SLC37A3: variants seen among roughly 807,000 people sequenced by gnomAD.
The protein encoded by SLC37A3 is sugar phosphate exchanger 3.
In SLC37A3, 51 loss-of-function variants were observed where a neutral mutation model predicts 67.1. The ratio of observed to expected loss-of-function variants is 0.76; its 90% CI spans 0.61 to 0.96. SLC37A3 has a LOEUF of 0.96. Ranked by LOEUF, SLC37A3 falls within the 40% of genes least tolerant of loss-of-function variation. The pLI is 0.00. For synonymous variants in SLC37A3, 214 were observed against 231.4 expected (o/e 0.92, Z 0.68); for missense variants, 508 against 603.0 (o/e 0.84, Z 1.65).
intron 1 of SLC37A3, among the ~76,000 whole-genome samples, chr7:140,398,081 A>G (rs1237125746): frequency 1.3e-5 from 2 of 152,076 alleles, no homozygotes; most frequent in African/African-American, 2.4e-5. Flanking sequence ...CCCTTTTCTG[A>G]TCAAGTCAGA....
intron 1 of SLC37A3, among the ~76,000 whole-genome samples, chr7:140,383,824 G>A (rs1049358460): frequency 6.6e-6 from 1 of 152,112 alleles, no homozygotes; most frequent in African/African-American, 2.4e-5. Context: ...CTATAAGCAT[G>A]AGCCGCCATG....
rs1343512780 is a variant in SLC37A3 at position 140,334,124 on chromosome 7, C to G, written c.*1288G>C. 3 of 152,174 alleles carry G rather than the reference C, an allele frequency of 2.0e-5. No individual in the cohort carries two copies. In the South Asian group the frequency reaches 6.2e-4, roughly 32 times the overall value. 9.4% of individuals were successfully genotyped at this position (152,174 alleles called of 1,614,324 possible). A position where few individuals can be genotyped will look rare whatever the true frequency, so the allele number is the denominator to read the frequency against. On this transcript the variant is annotated 3_prime_UTR_variant, in exon 15 of 15. Coordinates refer to ENST00000326232, the MANE Select transcript of SLC37A3 (RefSeq NM_207113.3). ...GTAATCCATTCATGTGATTCAATGT[C>G]ATGTACAGACAGTCCTCAGCTTCTG...
chr7:140,354,646 A>T (rs1156260366), intron 7 of SLC37A3, among the ~76,000 whole-genome samples: 1 of 151,912 alleles, frequency 6.6e-6, no homozygotes, highest in African/African-American at 2.4e-5. Flanking sequence ...TGAGCTATAC[A>T]TTCAAATTCT....
At chr7:140,360,434 C>T (rs1162426257) in intron 5 of SLC37A3, among the ~76,000 whole-genome samples, 5 of 152,004 alleles carry the variant, frequency 3.3e-5, no homozygotes, top group Non-Finnish European at 1.5e-5. Flanking sequence ...TAAGCAATGA[C>T]GATTAGTCAG....
chr7:140,356,856 T>A (rs952584238), intron 6 of SLC37A3, among the ~76,000 whole-genome samples: 1 of 152,090 alleles, frequency 6.6e-6, no homozygotes, highest in African/African-American at 2.4e-5. Context: ...TAAGAACCCT[T>A]ATGCTCTGCT....
rs774454607 is a variant in SLC37A3 at position 140,380,395 on chromosome 7, A to G, written c.90-5T>C. On this transcript the variant is annotated splice_region_variant and splice_polypyrimidine_tract_variant and intron_variant, in intron 2 of 14. Transcript: ENST00000326232. ...GAAGCATGGAGCAACGAATAACTAC[A>G]AAATAGAGAGAATACAGATGAATGA... 15 of 1,593,464 alleles carry G rather than the reference A, an allele frequency of 9.4e-6. No individual in the cohort carries two copies. The African/African-American group carries it at 2.0e-4, about 21-fold the overall frequency.
chr7:140,335,452 G>A lies in SLC37A3; in HGVS notation c.1445C>T (p.Ser482Phe). 1 of 1,614,200 alleles carries A rather than the reference G, an allele frequency of 6.2e-7. No homozygotes were observed. Among genetic ancestry groups the A allele is most frequent in the Non-Finnish European group, 8.5e-7 (1 of 1,180,040 alleles). ...GTGAGCCTGTCTCCTTAGCACGAGA[G>A]AGAATATTTCCCTCACTATTAATGG... is the stretch of plus-strand genomic sequence containing the variant. ...ISPLIVREIF[S>F]LVLRRQAHIL... Residue 482 changes from serine to phenylalanine, a missense_variant, in exon 15 of 15, where the codon TCT (serine) becomes TTT (phenylalanine). By Grantham distance (155) the Ser-to-Phe change is radical (BLOSUM62 -2). Transcript: ENST00000326232.
Position 140,358,725 on chromosome 7 carries a change from A to C in SLC37A3, c.436T>G (p.Cys146Gly). Residue 146 changes from cysteine (C) to glycine (G), a missense_variant, in exon 6 of 15, where the codon TGC (cysteine) becomes GGC (glycine). Physicochemically the swap from Cys to Gly is radical, Grantham distance 159. Transcript: ENST00000326232. ...AGCAGGCCGTTCACAATCCACAGGC[A>C]GCAGTACAGCCATTTGTTGTAGAAA... The part of the protein sequence containing the change: ...LRFYNKWLYC[C>G]LWIVNGLLQS... 6.2e-7 allele frequency: 1 copy of C among 1,614,196 alleles called. No homozygotes were observed. The highest frequency in any genetic ancestry group is 8.5e-7 in the Non-Finnish European group (1 of 1,180,036).
chr7:140,340,255 T>C (rs542488082), intron 13 of SLC37A3, among the ~76,000 whole-genome samples: 2 of 152,208 alleles, frequency 1.3e-5, no homozygotes, highest in African/African-American at 4.8e-5. Flanking sequence ...TTTGAGGTAA[T>C]TTTTGCATAT....
intron 7 of SLC37A3, among the ~76,000 whole-genome samples, chr7:140,355,186 T>C (rs1796972106): frequency 6.7e-6 from 1 of 149,916 alleles, no homozygotes; most frequent in African/African-American, 2.5e-5. Context: ...TTAATGAATA[T>C]ATCAGAAGTT....
intron 4 of SLC37A3, among the ~76,000 whole-genome samples, chr7:140,369,239 C>G (rs1797725164): frequency 6.6e-6 from 1 of 152,170 alleles, no homozygotes; most frequent in South Asian, 2.1e-4. Flanking sequence ...TTTAGTCCCC[C>G]TTCTCTGCTT....
At chr7:140,386,171 C>A (rs1420939781) in intron 1 of SLC37A3, among the ~76,000 whole-genome samples, 3 of 152,052 alleles carry the variant, frequency 2.0e-5, no homozygotes, top group African/African-American at 7.2e-5. Context: ...CTCACTGCAG[C>A]CTTGACCTCT....
chr7:140,390,020 T>C (rs1451175871), intron 1 of SLC37A3, among the ~76,000 whole-genome samples: 1 of 152,024 alleles, frequency 6.6e-6, no homozygotes, highest in African/African-American at 2.4e-5. Context: ...GGCCAGGCCT[T>C]CAAGGCTACA....
rs767729208 is a variant in SLC37A3, at chr7:140,334,391, C to T, written c.*1021G>A. ...CCAATGGGTTTACTGGGACATAACC[C>T]CATCATAAGTCAAAGAGCATCTGTA... On this transcript the variant is annotated 3_prime_UTR_variant, in exon 15 of 15. Transcript: ENST00000326232. 4 of 152,278 alleles carry T rather than the reference C, an allele frequency of 2.6e-5. No homozygotes were observed. The highest frequency in any genetic ancestry group is 7.2e-5 in the African/African-American group (3 of 41,402). 9.4% of individuals were successfully genotyped at this position (152,278 alleles called of 1,614,324 possible).
intron 1 of SLC37A3, among the ~76,000 whole-genome samples, chr7:140,391,643 G>T (rs1798729262): frequency 6.6e-6 from 1 of 152,178 alleles, no homozygotes; most frequent in East Asian, 1.9e-4. Flanking sequence ...TAGAGAAAAA[G>T]GAGTCAGGCT....
intron 2 of SLC37A3, among the ~76,000 whole-genome samples, chr7:140,381,090 G>T (rs964064889): frequency 6.6e-6 from 1 of 151,016 alleles, no homozygotes; most frequent in African/African-American, 2.4e-5. Flanking sequence ...GAGAGACGGG[G>T]TTTCACCATG....
chr7:140,342,287 A>G (rs1796388877), intron 13 of SLC37A3, among the ~76,000 whole-genome samples: 1 of 152,212 alleles, frequency 6.6e-6, no homozygotes, highest in African/African-American at 2.4e-5. Context: ...GCAAGTAACA[A>G]TAATCTTCAA....
chr7:140,384,069 TA>T (rs1167920226), intron 1 of SLC37A3, among the ~76,000 whole-genome samples: 1 of 152,184 alleles, frequency 6.6e-6, no homozygotes, highest in Non-Finnish European at 1.5e-5. Flanking sequence ...CAGCTAAACT[TA>T]ATGTCTCCAG....
intron 9 of SLC37A3, among the ~76,000 whole-genome samples, chr7:140,350,715 G>A (rs1796758132): frequency 6.6e-6 from 1 of 152,058 alleles, no homozygotes; most frequent in African/African-American, 2.4e-5. Context: ...AGTGAGCCGA[G>A]ACTGCGCCAC....
Sources: allele counts gnomAD v4.1 joint callset (sites outside exome capture counted in the v4.1 genomes callset), GRCh38; gene constraint gnomAD v4.1.1; transcripts MANE v1.5; gene names NCBI Gene and HGNC (gene_info 2026-07-23, HGNC 2026-07-21).